Variants in OGFOD3 observed in about 807,000 individuals in gnomAD.
OGFOD3 encodes 2-oxoglutarate and iron dependent oxygenase domain containing 3.
A neutral mutation model predicts 39.8 loss-of-function variants in OGFOD3; 35 were observed. That is an observed-to-expected ratio of 0.88 (90% CI 0.67 to 1.17). The LOEUF is 1.17. Ranked by LOEUF, OGFOD3 falls within the 50% of genes most tolerant of loss-of-function variation. The pLI, the probability that OGFOD3 is intolerant of heterozygous loss-of-function variation, is 0.00. For missense variants in OGFOD3, 438 were observed against 454.5 expected, an observed-to-expected ratio of 0.96 and a Z score of 0.33; for synonymous variants, 200 against 192.0, an observed-to-expected ratio of 1.04 and a Z score of -0.34.
At chr17:82,413,859 C>T (rs576180532) in intron 2 of OGFOD3, among the ~76,000 whole-genome samples, 1 of 134,152 alleles carries the variant, frequency 7.5e-6, no homozygotes, top group Non-Finnish European at 1.5e-5. Flanking sequence ...CTGGGCAACA[C>T]AGTGAGTGAC....
intron 4 of OGFOD3, among the ~76,000 whole-genome samples, chr17:82,409,032 GC>G (rs1473690932): frequency 6.6e-6 from 1 of 152,214 alleles, no homozygotes; most frequent in Non-Finnish European, 1.5e-5. Context: ...AGCATGCGCA[GC>G]CGTCTCCTCG....
Position 82,392,356 on chromosome 17 carries a change from T to G in OGFOD3, c.*42A>C. Reference sequence around the variant, plus strand: ...TGGGTGCACGACTGGCGCGGCTGCCTCCACACGGGCCCTCCTGAAGTTACC... The same window carrying G: ...TGGGTGCACGACTGGCGCGGCTGCCGCCACACGGGCCCTCCTGAAGTTACC... On this transcript the variant is annotated 3_prime_UTR_variant, in exon 9 of 9. Transcript: ENST00000313056. The surrounding 1 kb of genome is among the most constrained non-coding windows in gnomAD (Gnocchi z 4.2). The G allele has an allele frequency of 6.3e-7, 1 of 1,593,222 alleles. No homozygotes were observed. Among genetic ancestry groups the G allele is most frequent in the Non-Finnish European group, 8.5e-7 (1 of 1,171,314 alleles).
intron 8 of OGFOD3, chr17:82,394,621 G>C (rs548440522): frequency 8.4e-7 from 1 of 1,194,486 alleles, no homozygotes; most frequent in East Asian, 2.5e-5. Flanking sequence ...ACACCCTCCA[G>C]AGAGAGGCCT....
At chr17:82,394,591 G>A (rs2052644133) in intron 8 of OGFOD3, 1 of 1,502,078 alleles carries the variant, frequency 6.7e-7, no homozygotes, top group Non-Finnish European at 9.1e-7. Context: ...GACTCCAGGG[G>A]CCTGGGCGGT....
rs1177695704 is a variant in OGFOD3, at chr17:82,404,456, C to T, written c.546-366G>A. 2.6e-5 allele frequency among the ~76,000 whole-genome samples: 4 copies of T among 152,172 alleles called. No individual in the cohort carries two copies. Among genetic ancestry groups the T allele is most frequent in the African/African-American group, 4.8e-5 (2 of 41,440 alleles). On this transcript the variant is annotated intron_variant, in intron 6 of 8. Coordinates refer to ENST00000313056, the MANE Select transcript of OGFOD3 (RefSeq NM_024648.3). The surrounding 1 kb of genome is among the most constrained non-coding windows in gnomAD (Gnocchi z 4.5). ...TATTCAGCAACGAAGAGGCTGCTGT[C>T]CCCCAACGTGAGTGTGCGGGGTGTG...
chr17:82,409,917 G>A (rs1036327808), intron 3 of OGFOD3, among the ~76,000 whole-genome samples: 2 of 152,270 alleles, frequency 1.3e-5, no homozygotes, highest in East Asian at 1.9e-4. Flanking sequence ...AAGAGAGAGA[G>A]AGAGAGAGAG....
At chr17:82,396,008 C>T (rs1436006837) in intron 8 of OGFOD3, among the ~76,000 whole-genome samples, 1 of 151,680 alleles carries the variant, frequency 6.6e-6, no homozygotes, top group African/African-American at 2.4e-5. Flanking sequence ...CACATAGATA[C>T]ACACAATTAG....
rs2052857570 is a variant in OGFOD3, at chr17:82,406,464, G to A, written c.442C>T (p.His148Tyr). 6.2e-7 allele frequency: 1 copy of A among 1,614,164 alleles called. No homozygotes were observed. The highest frequency in any genetic ancestry group is 1.3e-5 in the African/African-American group (1 of 75,062). Residue 148 changes from histidine (H) to tyrosine (Y), a missense_variant, in exon 5 of 9, where the codon CAC becomes TAC. By Grantham distance (83) the His-to-Tyr change is moderately conservative (BLOSUM62 2). Transcript: ENST00000313056. The surrounding 1 kb of genome is among the most constrained non-coding windows in gnomAD (Gnocchi z 5.2). ...TTCCCGACAGACAGGGCCCCTGAGT[G>A]CAAGTCCAGAATGGATGCCTGGAAA... ...SDGGASILDL[H>Y]SGALSVGKHF...
intron 8 of OGFOD3, among the ~76,000 whole-genome samples, chr17:82,395,253 A>T (rs1043424450): frequency 6.6e-6 from 1 of 151,998 alleles, no homozygotes; most frequent in Non-Finnish European, 1.5e-5. Context: ...GCTGGTCTTG[A>T]ACTCCCGAGC....
Position 82,403,984 on chromosome 17 carries a change from C to T in OGFOD3, c.652G>A (p.Glu218Lys), listed in dbSNP as rs1336526000. 6 of 1,610,512 alleles carry T rather than the reference C, an allele frequency of 3.7e-6. No individual in the cohort carries two copies. Among genetic ancestry groups the T allele is most frequent in the East Asian group, 2.2e-5 (1 of 44,758 alleles). ...PTFFSRINST[E>K]ARTAHDEYWH... ...TACTCGTCGTGCGCCGTCCGCGCTTCCGTGCTGTTTATGCGGGAGAAGAAG... is the reference window on the plus strand; with the variant it reads ...TACTCGTCGTGCGCCGTCCGCGCTTTCGTGCTGTTTATGCGGGAGAAGAAG... The change falls in exon 7 of 9, where the codon GAA becomes AAA. Residue 218 changes from glutamate to lysine, a missense_variant. Coordinates refer to ENST00000313056, the MANE Select transcript of OGFOD3 (RefSeq NM_024648.3).
chr17:82,404,044 T>C lies in OGFOD3; in HGVS notation c.592A>G (p.Ile198Val). Residue 198 changes from isoleucine to valine, a missense_variant, in exon 7 of 9, where the codon ATC (isoleucine) becomes GTC (valine). By Grantham distance (29) the Ile-to-Val change is conservative. Transcript: ENST00000313056. The surrounding 1 kb of genome is among the most constrained non-coding windows in gnomAD (Gnocchi z 4.5). Reference sequence around the variant, plus strand: ...GTCAGATGCAGCGAGGATGCGCTGATGCCAAAAGCCTCAGCAATGGTGAGC... The same window carrying C: ...GTCAGATGCAGCGAGGATGCGCTGACGCCAAAAGCCTCAGCAATGGTGAGC... ...VQLTIAEAFGISASSLHLTKP... is the reference protein window; with the variant it reads ...VQLTIAEAFGVSASSLHLTKP... 1 of 1,610,074 alleles carries C rather than the reference T, an allele frequency of 6.2e-7. No individual in the cohort carries two copies. The highest frequency in any genetic ancestry group is 2.2e-5 in the East Asian group (1 of 44,710).
At chr17:82,409,281 C>G in intron 4 of OGFOD3, 87 bp downstream of exon 4, 1 of 1,404,676 alleles carries the variant, frequency 7.1e-7, no homozygotes, top group South Asian at 1.2e-5. Context: ...GCAGGGAACC[C>G]TGCATGTCTG....
rs948441059 is a variant in OGFOD3 at position 82,398,432 on chromosome 17, C to T, written c.700-113G>A. 8 of 1,324,120 alleles carry T rather than the reference C, an allele frequency of 6.0e-6. No homozygotes were observed. In the African/African-American group the frequency reaches 7.3e-5, roughly 12 times the overall value. 82.0% of individuals were successfully genotyped at this position (1,324,120 alleles called of 1,614,324 possible). A position where few individuals can be genotyped will look rare whatever the true frequency, so the allele number is the denominator to read the frequency against. ...ATTTATTTTTTGAGACAGAGTCTTG[C>T]TCCATCACCCAGGCTGGAGTGCAGT... On this transcript the variant is annotated intron_variant, in intron 7 of 8. Coordinates refer to ENST00000313056, the MANE Select transcript of OGFOD3 (RefSeq NM_024648.3).
Position 82,404,109 on chromosome 17 carries a change from C to T in OGFOD3, c.546-19G>A. The T allele has an allele frequency of 6.4e-7, 1 of 1,562,258 alleles. No individual in the cohort carries two copies. The highest frequency in any genetic ancestry group is 8.7e-7 in the Non-Finnish European group (1 of 1,151,024). On this transcript the variant is annotated intron_variant, in intron 6 of 8. Transcript: ENST00000313056. This position sits in a 1 kb window ranked among gnomAD's most constrained non-coding sequence, Gnocchi z 4.5. The stretch of plus-strand genomic sequence containing the variant: ...CACCTCCCTGCAGAGGACACAATAG[C>T]CGTCAGCGCAGCCCCAGGCGGGAGG...
intron 1 of OGFOD3, chr17:82,417,261 T>A (rs886649653): frequency 3.9e-5 from 6 of 152,224 alleles, no homozygotes; most frequent in African/African-American, 1.2e-4. Context: ...CAGAACTTAT[T>A]AACCTTAGTG....
intron 7 of OGFOD3, among the ~76,000 whole-genome samples, chr17:82,399,082 C>T (rs555197340): frequency 1.1e-3 from 164 of 152,220 alleles, no homozygotes; most frequent in Non-Finnish European, 3.8e-4. Flanking sequence ...AGTGATCCTC[C>T]CACCTCAGCC....
At chr17:82,393,497 T>C (rs985438447) in intron 8 of OGFOD3, 7 of 152,278 alleles carry the variant, frequency 4.6e-5, no homozygotes, top group Admixed American at 3.9e-4. Flanking sequence ...CACCTCTTAA[T>C]GGAGGCCGGG....
rs1377128028 is a variant in OGFOD3, at chr17:82,418,491, C to G, written c.-6G>C. Reference sequence around the variant, plus strand: ...GCCCTCCGCTGAGGAGCCATCGGACCAGGCCGCCGCGGAGCCGGGCCGGAC... The same window carrying G: ...GCCCTCCGCTGAGGAGCCATCGGACGAGGCCGCCGCGGAGCCGGGCCGGAC... On this transcript the variant is annotated 5_prime_UTR_variant, in exon 1 of 9. Coordinates refer to ENST00000313056, the MANE Select transcript of OGFOD3 (RefSeq NM_024648.3). 3.6e-6 allele frequency: 5 copies of G among 1,398,236 alleles called. No individual in the cohort carries two copies. In the African/African-American group the frequency reaches 6.0e-5, roughly 17 times the overall value. The allele number at this position is 1,398,236 out of a possible 1,614,324, so 86.6% of individuals were successfully genotyped here.
chr17:82,416,415 A>AAGG (rs1189570443), intron 1 of OGFOD3, among the ~76,000 whole-genome samples: 3 of 152,128 alleles, frequency 2.0e-5, no homozygotes, highest in African/African-American at 7.2e-5. Context: ...GGTGAACACT[A>AAGG]AGGACGGGGG....
Sources: gnomAD v4.1 joint callset for allele counts (sites outside exome capture counted in the v4.1 genomes callset) on GRCh38, gnomAD v4.1.1 for gene constraint, Gnocchi (gnomAD v3.1) non-coding constraint, MANE v1.5 for transcripts, NCBI Gene and HGNC (gene_info 2026-07-23, HGNC 2026-07-21) for gene names.